The following GALNTL6 variants were observed in gnomAD, a reference collection of about 807,000 sequenced individuals.
The protein encoded by GALNTL6 is polypeptide N-acetylgalactosaminyltransferase like 6, also known as polypeptide N-acetylgalactosaminyltransferase-like 6.
Under a neutral mutation model 73.7 loss-of-function variants are expected in GALNTL6, and 46 were observed. The observed-to-expected ratio is 0.62, with a 90% CI of 0.49 to 0.80. The LOEUF is 0.80. GALNTL6 is among the 30% of genes least tolerant of loss of function. The pLI is 0.00. For missense variants in GALNTL6, 604 were observed against 755.0 expected (o/e 0.80, Z 2.34); for synonymous variants, 259 against 263.7 (o/e 0.98, Z 0.17).
At chr4:172,918,178 G>A (rs1747622110) in intron 8 of GALNTL6, among the ~76,000 whole-genome samples, 1 of 152,096 alleles carries the variant, frequency 6.6e-6, no homozygotes, top group Admixed American at 6.6e-5. Context: ...TCATAAGTGG[G>A]AATTGAACAA....
At chr4:172,854,917 T>C (rs1205542017) in intron 7 of GALNTL6, among the ~76,000 whole-genome samples, 1 of 152,150 alleles carries the variant, frequency 6.6e-6, no homozygotes, top group Non-Finnish European at 1.5e-5. Flanking sequence ...TAGTAGGTGG[T>C]AAAATAACAG....
At chr4:172,036,453 T>G (rs1419959607) in intron 2 of GALNTL6, among the ~76,000 whole-genome samples, 5 of 152,128 alleles carry the variant, frequency 3.3e-5, no homozygotes, top group African/African-American at 1.2e-4. Context: ...ATTATCTCAT[T>G]GTATTCTCCC....
intron 5 of GALNTL6, among the ~76,000 whole-genome samples, chr4:172,533,014 A>T (rs895394205): frequency 4.9e-5 from 7 of 143,570 alleles, no homozygotes; most frequent in South Asian, 2.2e-4. Flanking sequence ...TTTTTGTAGA[A>T]TTTTTTTTTT....
intron 5 of GALNTL6, among the ~76,000 whole-genome samples, chr4:172,700,111 T>C (rs893096929): frequency 6.6e-6 from 1 of 152,154 alleles, no homozygotes; most frequent in Admixed American, 6.5e-5. Flanking sequence ...CAAAAATTGG[T>C]ATTTATTGAA....
chr4:172,843,389 G>T (rs1400887781), intron 7 of GALNTL6, among the ~76,000 whole-genome samples: 1 of 152,174 alleles, frequency 6.6e-6, no homozygotes, highest in Non-Finnish European at 1.5e-5. Context: ...GGCCTCTCAT[G>T]ATCGACCCCT....
chr4:172,834,656 C>T (rs955600781), intron 7 of GALNTL6, among the ~76,000 whole-genome samples: 1 of 152,190 alleles, frequency 6.6e-6, no homozygotes, highest in African/African-American at 2.4e-5. Flanking sequence ...GACAAATGCA[C>T]CCTTGGAGAG....
At chr4:172,340,793 C>T (rs1162738696) in intron 4 of GALNTL6, among the ~76,000 whole-genome samples, 1 of 152,112 alleles carries the variant, frequency 6.6e-6, no homozygotes. Context: ...TAGTTTTTAC[C>T]CTATATGAAT....
At chr4:172,881,751 G>T (rs115128985) in intron 7 of GALNTL6, among the ~76,000 whole-genome samples, 1,718 of 152,198 alleles carry the variant, frequency 0.011, 41 homozygotes, top group African/African-American at 0.039. Flanking sequence ...TTATCGATTT[G>T]CTTGATCTGC....
intron 5 of GALNTL6, among the ~76,000 whole-genome samples, chr4:172,385,437 T>C (rs942011929): frequency 6.6e-6 from 1 of 152,122 alleles, no homozygotes; most frequent in Non-Finnish European, 1.5e-5. Flanking sequence ...GTTTTTGCTG[T>C]GTGTACTTTG....
At chr4:172,140,857 C>T (rs980981587) in intron 2 of GALNTL6, among the ~76,000 whole-genome samples, 1 of 151,904 alleles carries the variant, frequency 6.6e-6, no homozygotes, top group Non-Finnish European at 1.5e-5. Flanking sequence ...GTATCATTGG[C>T]ACTCAGGATT....
chr4:171,998,813 C>T (rs1505491), intron 2 of GALNTL6, among the ~76,000 whole-genome samples: 105,745 of 151,920 alleles, frequency 0.7, 38,510 homozygotes, highest in Admixed American at 0.81. Flanking sequence ...GTACAGATTT[C>T]GCAAAACTGA....
At chr4:172,125,105 A>G (rs1243389878) in intron 2 of GALNTL6, among the ~76,000 whole-genome samples, 1 of 152,174 alleles carries the variant, frequency 6.6e-6, no homozygotes, top group South Asian at 2.1e-4. Flanking sequence ...GTACCTTCTC[A>G]AGGGGAGAAA....
At chr4:172,558,311 G>A (rs1022676967) in intron 5 of GALNTL6, among the ~76,000 whole-genome samples, 10 of 152,158 alleles carry the variant, frequency 6.6e-5, no homozygotes, top group Non-Finnish European at 1.2e-4. Flanking sequence ...TAAATGAGGG[G>A]TTATGAACTG....
At chr4:172,397,220 C>T (rs1179194957) in intron 5 of GALNTL6, among the ~76,000 whole-genome samples, 1 of 152,084 alleles carries the variant, frequency 6.6e-6, no homozygotes, top group Non-Finnish European at 1.5e-5. Context: ...ACATATGACT[C>T]TATTTGGGGT....
At chr4:172,174,275 A>G (rs1734923073) in intron 2 of GALNTL6, among the ~76,000 whole-genome samples, 1 of 152,196 alleles carries the variant, frequency 6.6e-6, no homozygotes, top group Non-Finnish European at 1.5e-5. Context: ...GAGGTGAAAA[A>G]AAGAAGTGTT....
At position 172,821,721 on chromosome 4, in the gene GALNTL6, T is replaced by C. The variant is rs554876371; in HGVS notation, c.923+7998T>C. Among the ~76,000 whole-genome samples the C allele has an allele frequency of 3.6e-4, 54 of 151,626 alleles. 1 individual carries two copies. Among genetic ancestry groups the C allele is most frequent in the Non-Finnish European group, 5.0e-4 (34 of 68,002 alleles). On this transcript the variant is annotated intron_variant, in intron 7 of 12. Transcript: ENST00000506823. ...AAATGGTGTCCTAATCTACAGAAGG[T>C]GAGAATAAAGGAGCAGAAAATGGCT...
At chr4:172,536,065 C>G (rs1735335441) in intron 5 of GALNTL6, among the ~76,000 whole-genome samples, 1 of 152,082 alleles carries the variant, frequency 6.6e-6, no homozygotes, top group African/African-American at 2.4e-5. Context: ...TTATAAGGAG[C>G]TTTTCTCCCG....
In GALNTL6 at chr4:173,039,978, A is replaced by C. The variant is rs749757496; in HGVS notation, c.1684A>C (p.Asn562His). ...HPVSNSCMDC[N>H]PAEKKIFMAR... ...TGTGAGCAACAGCTGCATGGATTGC[A>C]ACCCCGCAGAGAAGAAGATTTTCAT... The change falls in exon 13 of 13, where the codon AAC (asparagine) becomes CAC (histidine). Residue 562 changes from asparagine to histidine, a missense_variant. By Grantham distance (68) the Asn-to-His change is moderately conservative. Around this residue, in one of 5 missense-constraint regions of GALNTL6, gnomAD observed 261 missense variants for 296.5 expected, o/e 0.88. Coordinates refer to ENST00000506823, the MANE Select transcript of GALNTL6 (RefSeq NM_001034845.3). 6.2e-7 allele frequency: 1 copy of C among 1,614,082 alleles called. No individual in the cohort carries two copies. The highest frequency in any genetic ancestry group is 8.5e-7 in the Non-Finnish European group (1 of 1,179,910).
chr4:171,892,713 A>T (rs1248866330), intron 2 of GALNTL6, among the ~76,000 whole-genome samples: 1 of 151,988 alleles, frequency 6.6e-6, no homozygotes, highest in Non-Finnish European at 1.5e-5. Flanking sequence ...ACTTTATGAC[A>T]CAACACCTGG....
Sources: gnomAD v4.1 joint callset for allele counts (sites outside exome capture counted in the v4.1 genomes callset) on GRCh38, gnomAD v4.1.1 for gene constraint, gnomAD v4.1.1 regional missense constraint, MANE v1.5 for transcripts, NCBI Gene and HGNC (gene_info 2026-07-23, HGNC 2026-07-21) for gene names.